GCSH: variants seen among roughly 807,000 people sequenced by gnomAD.
GCSH encodes glycine cleavage system protein H.
In GCSH, 15 loss-of-function variants were observed where a neutral mutation model predicts 21.3. That is an observed-to-expected ratio of 0.70 (90% CI 0.47 to 1.08). GCSH has a LOEUF of 1.08. GCSH is among the 50% of genes least tolerant of loss of function. The pLI, the probability that GCSH is intolerant of heterozygous loss-of-function variation, is 0.00. For missense variants in GCSH, 179 were observed against 217.5 expected (o/e 0.82, Z 1.11); for synonymous variants, 59 against 84.5 (o/e 0.70, Z 1.66).
chr16:81,084,408 G>C (rs1972230316), intron 4 of GCSH, 55 bp downstream of exon 4: 3 of 1,336,224 alleles, frequency 2.2e-6, no homozygotes, highest in African/African-American at 1.4e-5. Flanking sequence ...TTAAATTCTA[G>C]ATAAAATATT....
intron 3 of GCSH, among the ~76,000 whole-genome samples, chr16:81,087,340 A>G (rs1272438779): frequency 2.0e-5 from 3 of 152,142 alleles, no homozygotes; most frequent in African/African-American, 4.8e-5. Flanking sequence ...AGCCTTGCCA[A>G]CATGGGGAAA....
chr16:81,094,236 T>C (rs528141351), intron 1 of GCSH, among the ~76,000 whole-genome samples: 2 of 152,292 alleles, frequency 1.3e-5, no homozygotes, highest in East Asian at 3.9e-4. Flanking sequence ...AAAAAGGTGG[T>C]TTTTGGCCTC....
At chr16:81,096,014 C>G in intron 1 of GCSH, 117 bp downstream of exon 1, 2 of 884,962 alleles carry the variant, frequency 2.3e-6, no homozygotes, top group Non-Finnish European at 3.0e-6. Flanking sequence ...AGGGTCCGCG[C>G]TCGCTCCGCC....
chr16:81,085,816 T>A (rs1044047147), intron 3 of GCSH, among the ~76,000 whole-genome samples: 1 of 151,292 alleles, frequency 6.6e-6, no homozygotes, highest in African/African-American at 2.4e-5. Context: ...GCCGAGACCA[T>A]GCCATTGCAG....
At chr16:81,094,978 A>G (rs1209320653) in intron 1 of GCSH, among the ~76,000 whole-genome samples, 2 of 152,030 alleles carry the variant, frequency 1.3e-5, no homozygotes, top group South Asian at 2.1e-4. Context: ...CAGTGAACCC[A>G]GCTACTCGGG....
intron 1 of GCSH, among the ~76,000 whole-genome samples, chr16:81,093,364 A>T (rs1327836122): frequency 6.6e-6 from 1 of 152,098 alleles, no homozygotes; most frequent in South Asian, 2.1e-4. Flanking sequence ...CATCTTGCCT[A>T]CCTGTGAAGA....
At position 81,090,670 on chromosome 16, in the gene GCSH, G is replaced by C; in HGVS notation, c.159C>G (p.Phe53Leu). 1.2e-6 allele frequency: 2 copies of C among 1,610,866 alleles called. No homozygotes were observed. The highest frequency in any genetic ancestry group is 1.7e-6 in the Non-Finnish European group (2 of 1,177,072). Residue 53 changes from phenylalanine (F) to leucine (L), a missense_variant, in exon 2 of 5, where the codon TTC (phenylalanine) becomes TTG (leucine). By Grantham distance (22) the Phe-to-Leu change is conservative. Transcript: ENST00000315467. ...TTGTTACCCATTCGTGTTTCTCTGT[G>C]AATTTACGCACTAAAACAGAAGACC... is the stretch of plus-strand genomic sequence containing the variant. Reference protein sequence around the residue: ...TGPALLSVRKFTEKHEWVTTE... With the variant: ...TGPALLSVRKLTEKHEWVTTE...
chr16:81,094,388 C>A (rs1972458470), intron 1 of GCSH, among the ~76,000 whole-genome samples: 1 of 150,690 alleles, frequency 6.6e-6, no homozygotes, highest in Non-Finnish European at 1.5e-5. Flanking sequence ...CTCTTGTCGT[C>A]CAGCTACTCC....
In GCSH at chr16:81,096,362, G is replaced by C. The variant is rs1225416324; in HGVS notation, c.-84C>G. 1.7e-5 allele frequency: 19 copies of C among 1,140,824 alleles called. No homozygotes were observed. In the Admixed American group the frequency reaches 2.1e-4, roughly 13 times the overall value. The allele number at this position is 1,140,824 out of a possible 1,614,324, so 70.7% of individuals were successfully genotyped here. A position where few individuals can be genotyped will look rare whatever the true frequency, so the allele number is the denominator to read the frequency against. On this transcript the variant is annotated 5_prime_UTR_variant, in exon 1 of 5. Coordinates refer to ENST00000315467, the MANE Select transcript of GCSH (RefSeq NM_004483.5). ...GGCGGGGAGGGGCAGTTCGCGGCCG[G>C]AGGGAGCCGGCTGGATGGAGGCGCG...
At position 81,084,771 on chromosome 16, in the gene GCSH, G is replaced by C. The variant is rs74758617; in HGVS notation, c.293-177C>G. On this transcript the variant is annotated intron_variant, in intron 3 of 4. Coordinates refer to ENST00000315467, the MANE Select transcript of GCSH (RefSeq NM_004483.5). ...GTTGCCCAGGCTGGAGTGCAGTGGC[G>C]CAATCTCACGTCACTGCAAGCTCCA... Among the ~76,000 whole-genome samples, 16,522 of 148,030 alleles carry C rather than the reference G, an allele frequency of 0.11. 969 individuals carry two copies. The highest frequency in any genetic ancestry group is 0.21 in the East Asian group (1,056 of 5,032).
At chr16:81,083,274 T>G (rs867967875) in intron 4 of GCSH, 4 of 342,594 alleles carry the variant, frequency 1.2e-5, no homozygotes, top group African/African-American at 8.6e-5. Context: ...TCCCAGTACT[T>G]TGGGAAGCGA....
At position 81,091,443 on chromosome 16, in the gene GCSH, G is replaced by A. The variant is rs150086293; in HGVS notation, c.149-763C>T. ...TTACTGAGCACTTCTCTAAAGATAC[G>A]GTCAAACGATTCAGGGAATCCTGAA... is the stretch of plus-strand genomic sequence containing the variant. On this transcript the variant is annotated intron_variant, in intron 1 of 4. Coordinates refer to ENST00000315467, the MANE Select transcript of GCSH (RefSeq NM_004483.5). Among the ~76,000 whole-genome samples, 436 of 152,210 alleles carry A rather than the reference G, an allele frequency of 2.9e-3. 3 individuals are homozygous for A. The highest frequency in any genetic ancestry group is 9.9e-3 in the African/African-American group (410 of 41,532).
chr16:81,094,947 G>C (rs1972470732), intron 1 of GCSH, among the ~76,000 whole-genome samples: 1 of 152,016 alleles, frequency 6.6e-6, no homozygotes, highest in African/African-American at 2.4e-5. Flanking sequence ...ACAAAACTCA[G>C]CTGGAGGTGG....
chr16:81,095,238 A>T lies in GCSH; in HGVS notation c.148+893T>A, dbSNP rs76091440. ...TTAGGGCTCATTTCAGCAAGCACAC[A>T]CATGAATGATCCAATACAAACTTTA... On this transcript the variant is annotated intron_variant, in intron 1 of 4. Transcript: ENST00000315467. Among the ~76,000 whole-genome samples the T allele has an allele frequency of 3.9e-5, 6 of 152,336 alleles. No homozygotes were observed. In the East Asian group the frequency reaches 9.6e-4, roughly 24 times the overall value.
chr16:81,090,528 C>T (rs1972377227), intron 2 of GCSH, 73 bp downstream of exon 2: 12 of 1,067,078 alleles, frequency 1.1e-5, no homozygotes, highest in Non-Finnish European at 1.8e-5. Context: ...AGCCTAAACA[C>T]TTTTAAAAAG....
intron 4 of GCSH, chr16:81,083,173 C>G: frequency 2.1e-6 from 1 of 484,314 alleles, no homozygotes; most frequent in Non-Finnish European, 3.7e-6. Context: ...TAGATTCCAC[C>G]ATAATAAATT....
In GCSH at chr16:81,082,456, C is replaced by T. The variant is rs929315406; in HGVS notation, c.*410G>A. On this transcript the variant is annotated 3_prime_UTR_variant, in exon 5 of 5. Coordinates refer to ENST00000315467, the MANE Select transcript of GCSH (RefSeq NM_004483.5). The stretch of plus-strand genomic sequence containing the variant: ...ATCTGACACTGTACAAGCAACAAAA[C>T]CTCTTCACTTCCAGTTATTTCCAAT... 1.3e-5 allele frequency: 5 copies of T among 393,034 alleles called. No individual in the cohort carries two copies. Among genetic ancestry groups the T allele is most frequent in the Non-Finnish European group, 2.5e-5 (5 of 200,914 alleles). 24.3% of individuals were successfully genotyped at this position (393,034 alleles called of 1,614,324 possible). A position where few individuals can be genotyped will look rare whatever the true frequency, so the allele number is the denominator to read the frequency against.
At chr16:81,084,241 A>C (rs1972225742) in intron 4 of GCSH, 3 of 605,878 alleles carry the variant, frequency 5.0e-6, no homozygotes, top group Non-Finnish European at 8.8e-6. Flanking sequence ...GGCCTCCCAA[A>C]GTGCTGGGAT....
intron 1 of GCSH, among the ~76,000 whole-genome samples, chr16:81,092,941 G>C (rs1339856149): frequency 6.6e-6 from 1 of 151,998 alleles, no homozygotes; most frequent in Non-Finnish European, 1.5e-5. Context: ...AGACCAGCCT[G>C]GCCAGCATGG....
Sources: allele counts gnomAD v4.1 joint callset (sites outside exome capture counted in the v4.1 genomes callset), GRCh38; gene constraint gnomAD v4.1.1; transcripts MANE v1.5; gene names NCBI Gene and HGNC (gene_info 2026-07-23, HGNC 2026-07-21).